The following CLCN7 variants were observed in gnomAD, a reference collection of about 807,000 sequenced individuals.
CLCN7 encodes the protein Cl-/H+ antiporter 7.
Under a neutral mutation model 102.1 loss-of-function variants are expected in CLCN7, and 60 were observed. That is an observed-to-expected ratio of 0.59 (90% CI 0.48 to 0.73). The LOEUF is 0.73. Ranked by LOEUF, CLCN7 falls within the 30% of genes least tolerant of loss-of-function variation. CLCN7 has a pLI of 0.00. For missense variants in CLCN7, 962 were observed against 1,125.7 expected (o/e 0.85, Z 2.08); for synonymous variants, 560 against 490.5 (o/e 1.14, Z -1.87).
Position 1,457,777 on chromosome 16 carries a change from T to A in CLCN7, c.676-21A>T, listed in dbSNP as rs9922189. 1.9e-6 allele frequency: 3 copies of A among 1,611,624 alleles called. No individual in the cohort carries two copies. Among genetic ancestry groups the A allele is most frequent in the African/African-American group, 2.7e-5 (2 of 74,854 alleles). On this transcript the variant is annotated intron_variant, in intron 7 of 24. Coordinates refer to ENST00000382745, the MANE Select transcript of CLCN7 (RefSeq NM_001287.6). The surrounding 1 kb of genome is among the most constrained non-coding windows in gnomAD (Gnocchi z 5.4). ...AACGTCTGAAACACAGGGAGACGCA[T>A]GGCCTCTGATGAAAAGGCAGGCGCT...
chr16:1,466,839 T>A (rs1023456623), intron 1 of CLCN7: 2 of 137,578 alleles, frequency 1.5e-5, no homozygotes, highest in Non-Finnish European at 3.0e-5. Flanking sequence ...GGCGGGAGAA[T>A]CGCTTGAAGC....
chr16:1,451,770 C>A (rs114993458), intron 15 of CLCN7, 54 bp from the exon 16 acceptor site: 2 of 1,464,730 alleles, frequency 1.4e-6, no homozygotes, highest in East Asian at 2.3e-5. Context: ...TGGTGGGCTG[C>A]AGGCACAAAC....
intron 4 of CLCN7, 132 bp downstream of exon 4, chr16:1,461,273 C>T: frequency 2.4e-6 from 2 of 839,654 alleles, no homozygotes; most frequent in East Asian, 5.3e-5. Flanking sequence ...AGACGAACCA[C>T]AGGCCTCAGA....
chr16:1,450,743 CGGG>C, intron 16 of CLCN7, 77 bp from the exon 17 acceptor site: 1 of 1,300,020 alleles, frequency 7.7e-7, no homozygotes, highest in Non-Finnish European at 1.0e-6. Context: ...TGCCCAGTCT[CGGG>C]CCTCACAGTC....
At chr16:1,451,527 C>T in intron 16 of CLCN7, 96 bp downstream of exon 16, 6 of 1,026,216 alleles carry the variant, frequency 5.8e-6, no homozygotes, top group Non-Finnish European at 8.9e-6. Flanking sequence ...CCCCCCAGCC[C>T]AGGGCTGCAA....
intron 21 of CLCN7, among the ~76,000 whole-genome samples, chr16:1,448,064 C>T (rs746102656): frequency 6.6e-6 from 1 of 152,308 alleles, no homozygotes; most frequent in East Asian, 1.9e-4. Context: ...CAGCAGTGGC[C>T]GAGCTGTGTG....
At chr16:1,451,334 A>C (rs2038746545) in intron 16 of CLCN7, among the ~76,000 whole-genome samples, 1 of 152,130 alleles carries the variant, frequency 6.6e-6, no homozygotes, top group Non-Finnish European at 1.5e-5. Context: ...CAGCCTCCCA[A>C]GTACCTGGGA....
intron 24 of CLCN7, 41 bp downstream of exon 24, chr16:1,446,965 G>C (rs2038656921): frequency 6.6e-7 from 1 of 1,508,486 alleles, no homozygotes; most frequent in Non-Finnish European, 9.0e-7. Context: ...GCAGAGGGGA[G>C]CCCTGCACGG....
chr16:1,454,463 T>C lies in CLCN7; in HGVS notation c.1101A>G (p.Lys367=). 1 of 1,613,426 alleles carries C rather than the reference T, an allele frequency of 6.2e-7. No individual in the cohort carries two copies. Among genetic ancestry groups the C allele is most frequent in the Non-Finnish European group, 8.5e-7 (1 of 1,179,874 alleles). The change falls in exon 13 of 25, where the codon AAA becomes AAG. Residue 367 remains lysine, a splice_region_variant and synonymous_variant. Transcript: ENST00000382745. The stretch of plus-strand genomic sequence containing the variant: ...GGATCTCGTGGATCGTGTAGGCCAT[T>C]TTCTGTGCAGAGAGAGGGAGAAGGC... ...LINFGRFDSE[K]MAYTIHEIPV...
intron 1 of CLCN7, among the ~76,000 whole-genome samples, chr16:1,471,365 G>A (rs1465979230): frequency 2.0e-5 from 3 of 152,194 alleles, no homozygotes; most frequent in Non-Finnish European, 4.4e-5. Context: ...GTCAGCAGGG[G>A]ATGGCCTGGG....
chr16:1,452,479 C>A (rs1034879237), intron 15 of CLCN7: 3 of 504,850 alleles, frequency 5.9e-6, no homozygotes, highest in South Asian at 4.5e-5. Flanking sequence ...CCATAGGGCG[C>A]CTGAGGCTCG....
chr16:1,454,733 CAT>C lies in CLCN7; in HGVS notation c.1099-270_1099-269del, dbSNP rs150295965. On this transcript the variant is annotated intron_variant, in intron 12 of 24. Coordinates refer to ENST00000382745, the MANE Select transcript of CLCN7 (RefSeq NM_001287.6). The stretch of plus-strand genomic sequence containing the variant: ...CGGGGAGGGCCCCAAGCACTGGGAA[CAT>C]AGCCCGTGGTCCCCCAGTTTCCTGC... 4.6e-3 allele frequency among the ~76,000 whole-genome samples: 700 copies of C among 152,362 alleles called. 5 individuals are homozygous for C. Among genetic ancestry groups the C allele is most frequent in the African/African-American group, 0.016 (649 of 41,580 alleles).
chr16:1,468,313 G>A (rs1413050614), intron 1 of CLCN7, among the ~76,000 whole-genome samples: 1 of 152,326 alleles, frequency 6.6e-6, no homozygotes, highest in East Asian at 1.9e-4. Flanking sequence ...AGAGGGGTGA[G>A]GGGTGAGGGG....
At chr16:1,447,304 C>T (rs1428191879) in intron 23 of CLCN7, 88 bp downstream of exon 23, 50 of 1,369,910 alleles carry the variant, frequency 3.6e-5, no homozygotes, top group Non-Finnish European at 4.6e-5. Context: ...GCTGTGGCCC[C>T]CCCCGGCTGC....
chr16:1,448,945 G>A (rs771346530), intron 19 of CLCN7, 21 bp downstream of exon 19: 14 of 1,611,550 alleles, frequency 8.7e-6, no homozygotes, highest in Non-Finnish European at 1.2e-5. Context: ...CTCAGGGTGA[G>A]GCTTCGAGGC....
Position 1,457,321 on chromosome 16 carries a change from T to C in CLCN7, c.755A>G (p.His252Arg). ...LAVGKEGPMIHSGSVIAAGIS... is the reference protein window; with the variant it reads ...LAVGKEGPMIRSGSVIAAGIS... ...CCCGGCGGCAATCACTGAACCTGAGTGGATCATCGGCCCTTCCTGGAGACC... is the reference window on the plus strand; with the variant it reads ...CCCGGCGGCAATCACTGAACCTGAGCGGATCATCGGCCCTTCCTGGAGACC... The change falls in exon 9 of 25, where the codon CAC (histidine) becomes CGC (arginine). Residue 252 changes from histidine (H) to arginine (R), a missense_variant. By Grantham distance (29) the His-to-Arg change is conservative. Around this residue, in one of 2 missense-constraint regions of CLCN7, gnomAD observed 799 missense variants for 988.0 expected, o/e 0.81. Transcript: ENST00000382745. The surrounding 1 kb of genome is among the most constrained non-coding windows in gnomAD (Gnocchi z 5.4). 6.2e-7 allele frequency: 1 copy of C among 1,613,700 alleles called. No individual in the cohort carries two copies. Among genetic ancestry groups the C allele is most frequent in the Non-Finnish European group, 8.5e-7 (1 of 1,179,986 alleles).
chr16:1,462,665 C>CAAAAAAAAAAAAAAAAAAAAAA (rs67969666), intron 2 of CLCN7, among the ~76,000 whole-genome samples: 4 of 36,174 alleles, frequency 1.1e-4, no homozygotes, highest in African/African-American at 3.2e-4. Flanking sequence ...AAAAAAAAGC[C>CAAAAAAAAAAAAAAAAAAAAAA]AAAAAAAAAA....
At chr16:1,448,812 C>T in intron 19 of CLCN7, 46 bp from the exon 20 acceptor site, 1 of 1,601,668 alleles carries the variant, frequency 6.2e-7, no homozygotes, top group Non-Finnish European at 8.5e-7. Context: ...CCACACCCAC[C>T]CCTGGAGCCC....
Position 1,454,296 on chromosome 16 carries a change from C to T in CLCN7, c.1153+115G>A, listed in dbSNP as rs2142376970. The T allele has an allele frequency of 1.7e-5, 19 of 1,100,286 alleles. No homozygotes were observed. In the South Asian group the frequency reaches 2.4e-4, roughly 14 times the overall value. The allele number at this position is 1,100,286 out of a possible 1,614,324, so 68.2% of individuals were successfully genotyped here. A position where few individuals can be genotyped will look rare whatever the true frequency, so the allele number is the denominator to read the frequency against. ...AAGAATCTGGAGGCCCCCGGGTGGC[C>T]CTGGGATGAGGGCAGGCTCCAGGGA... On this transcript the variant is annotated intron_variant, in intron 13 of 24. Transcript: ENST00000382745.
Sources: gnomAD v4.1 joint callset for allele counts (sites outside exome capture counted in the v4.1 genomes callset) on GRCh38, gnomAD v4.1.1 for gene constraint, gnomAD v4.1.1 regional missense constraint, Gnocchi (gnomAD v3.1) non-coding constraint, MANE v1.5 for transcripts, NCBI Gene and HGNC (gene_info 2026-07-23, HGNC 2026-07-21) for gene names.